Variants in ACTR3C observed in about 807,000 individuals in gnomAD.
The protein encoded by ACTR3C is actin-related protein 3C.
A neutral mutation model predicts 26.3 loss-of-function variants in ACTR3C; 18 were observed. The ratio of observed to expected loss-of-function variants is 0.68; its 90% CI spans 0.47 to 1.01. ACTR3C has a LOEUF of 1.01. Ranked by LOEUF, ACTR3C falls within the 50% of genes least tolerant of loss-of-function variation. The probability of loss-of-function intolerance (pLI) is 0.00; values close to 1 mark genes in which losing one functional copy is unlikely to be tolerated. For synonymous variants in ACTR3C, 55 were observed against 94.5 expected, an observed-to-expected ratio of 0.58 and a Z score of 2.42; for missense variants, 184 against 250.7, an observed-to-expected ratio of 0.73 and a Z score of 1.80.
chr7:149,882,318 T>TA, the ACTR3C span, among the ~76,000 whole-genome samples: 1 of 152,188 alleles, frequency 6.6e-6, no homozygotes, highest in Non-Finnish European at 1.5e-5. Flanking sequence ...GTGGCATCTT[T>TA]AGACACTCTC....
the ACTR3C span, among the ~76,000 whole-genome samples, chr7:149,962,366 T>A: frequency 6.6e-6 from 1 of 152,104 alleles, no homozygotes; most frequent in Non-Finnish European, 1.5e-5. Flanking sequence ...CAAGGCTTCT[T>A]GAGGAAGAAA....
At chr7:149,923,364 A>G in the ACTR3C span, among the ~76,000 whole-genome samples, 1 of 152,098 alleles carries the variant, frequency 6.6e-6, no homozygotes, top group African/African-American at 2.4e-5. Flanking sequence ...AAGCAAAACA[A>G]TATTTTGGGT....
chr7:150,206,718 G>A, the ACTR3C span, among the ~76,000 whole-genome samples: 8 of 152,188 alleles, frequency 5.3e-5, no homozygotes, highest in African/African-American at 1.9e-4. Flanking sequence ...CACCGCACCA[G>A]GCGGGTAGAG....
chr7:150,048,601 A>AGGCC, the ACTR3C span, among the ~76,000 whole-genome samples: 8 of 151,696 alleles, frequency 5.3e-5, no homozygotes, highest in Non-Finnish European at 1.0e-4. Context: ...CGAGGCAGGC[A>AGGCC]GGCCGGCCAG....
At chr7:150,153,819 A>G in the ACTR3C span, among the ~76,000 whole-genome samples, 1 of 111,486 alleles carries the variant, frequency 9.0e-6, no homozygotes, top group African/African-American at 3.9e-5. Context: ...ACTTGGAACC[A>G]ACCCAAATGT....
the ACTR3C span, among the ~76,000 whole-genome samples, chr7:150,199,639 TAAAAAAAAATAAATA>T: frequency 1.3e-5 from 1 of 77,120 alleles, no homozygotes; most frequent in Non-Finnish European, 2.9e-5. Flanking sequence ...TAAATAAAAA[TAAAAAAAAATAAATA>T]AAAAAAAATA....
At chr7:149,956,366 G>A in the ACTR3C span, among the ~76,000 whole-genome samples, 1 of 151,958 alleles carries the variant, frequency 6.6e-6, no homozygotes, top group African/African-American at 2.4e-5. Context: ...AGACCAACCT[G>A]GGCAACATAG....
the ACTR3C span, among the ~76,000 whole-genome samples, chr7:150,035,853 C>A: frequency 2.3e-5 from 3 of 130,482 alleles, no homozygotes; most frequent in Non-Finnish European, 3.5e-5. Flanking sequence ...TCCCCCCCTG[C>A]GATGGGGGTA....
chr7:150,072,506 CA>C, the ACTR3C span, among the ~76,000 whole-genome samples: 1 of 141,936 alleles, frequency 7.0e-6, no homozygotes, highest in African/African-American at 2.5e-5. Flanking sequence ...TTAAGAACCC[CA>C]CACAAATGTC....
the ACTR3C span, among the ~76,000 whole-genome samples, chr7:150,029,250 C>T: frequency 0.036 from 5,459 of 151,904 alleles, 326 homozygotes; most frequent in African/African-American, 0.12. Context: ...AAATTCTGTT[C>T]GTTTCATTCA....
At chr7:150,091,932 G>T in the ACTR3C span, among the ~76,000 whole-genome samples, 1 of 128,952 alleles carries the variant, frequency 7.8e-6, no homozygotes, top group Admixed American at 9.2e-5. Context: ...AGCTTGCAGT[G>T]AGCCGAGATC....
chr7:150,181,032 C>T, the ACTR3C span, among the ~76,000 whole-genome samples: 50 of 151,346 alleles, frequency 3.3e-4, 1 homozygote, highest in Non-Finnish European at 8.8e-5. Flanking sequence ...AATATATAAG[C>T]AGATTGAAAT....
chr7:150,176,369 T>G, the ACTR3C span, among the ~76,000 whole-genome samples: 1 of 150,786 alleles, frequency 6.6e-6, no homozygotes, highest in Admixed American at 6.6e-5. Flanking sequence ...ATGAAAGCCC[T>G]TTAAGATTCC....
At chr7:150,202,354 G>T in the ACTR3C span, among the ~76,000 whole-genome samples, 2 of 152,156 alleles carry the variant, frequency 1.3e-5, no homozygotes, top group Admixed American at 6.5e-5. Context: ...TTTTTATAAT[G>T]ATACAGATTG....
At chr7:150,047,050 T>TCAC in the ACTR3C span, among the ~76,000 whole-genome samples, 1 of 150,612 alleles carries the variant, frequency 6.6e-6, no homozygotes, top group Non-Finnish European at 1.5e-5. Context: ...GAAAGGATAA[T>TCAC]CACCACCACC....
the ACTR3C span, among the ~76,000 whole-genome samples, chr7:150,042,510 GC>G: frequency 3.4e-5 from 4 of 119,378 alleles, no homozygotes; most frequent in Admixed American, 2.5e-4. Context: ...GGATTGCCTC[GC>G]CCCCTGCGAT....
rs1836083735 is a variant in ACTR3C at position 150,289,731 on chromosome 7, C to G, written c.154-138G>C. 3 of 1,473,584 alleles carry G rather than the reference C, an allele frequency of 2.0e-6. No individual in the cohort carries two copies. The African/African-American group carries it at 4.2e-5, about 21-fold the overall frequency. The allele number at this position is 1,473,584 out of a possible 1,614,324, so 91.3% of individuals were successfully genotyped here. A position where few individuals can be genotyped will look rare whatever the true frequency, so the allele number is the denominator to read the frequency against. On this transcript the variant is annotated intron_variant, in intron 3 of 7. Transcript: ENST00000683684. ...CAAGCATTGACAGAATCCCCACCCT[C>G]TGCAAGCTCAGTACAGAAGGTCTTT...
the ACTR3C span, among the ~76,000 whole-genome samples, chr7:150,041,171 T>C: frequency 6.6e-6 from 1 of 150,388 alleles, no homozygotes; most frequent in Non-Finnish European, 1.5e-5. Context: ...AAACTTGCTG[T>C]TGTTGGGATC....
At chr7:150,130,013 A>G in the ACTR3C span, among the ~76,000 whole-genome samples, 1 of 152,196 alleles carries the variant, frequency 6.6e-6, no homozygotes, top group South Asian at 2.1e-4. Context: ...AGAGTCCAGA[A>G]ACAGACCCAT....
Sources: gnomAD v4.1 joint callset for allele counts (sites outside exome capture counted in the v4.1 genomes callset) on GRCh38, gnomAD v4.1.1 for gene constraint, MANE v1.5 for transcripts, NCBI Gene and HGNC (gene_info 2026-07-23, HGNC 2026-07-21) for gene names.